Variants in POLD1 observed in about 807,000 individuals in gnomAD.
POLD1 encodes DNA polymerase delta catalytic subunit.
A neutral mutation model predicts 129.7 loss-of-function variants in POLD1; 79 were observed. The observed-to-expected ratio is 0.61, with a 90% CI of 0.51 to 0.73. The LOEUF is 0.73. POLD1 is among the 30% of genes least tolerant of loss of function. The pLI is 0.00. For missense variants in POLD1, 1,338 were observed against 1,595.8 expected, an observed-to-expected ratio of 0.84 and a Z score of 2.75; for synonymous variants, 714 against 683.3, an observed-to-expected ratio of 1.04 and a Z score of -0.70.
rs2038478231 is a variant in POLD1, at chr19:50,398,970, TGATGGAGGA to T, written c.128_136del (p.Glu43_Glu45del). 1 of 1,578,102 alleles carries T rather than the reference TGATGGAGGA, an allele frequency of 6.3e-7. No homozygotes were observed. Among genetic ancestry groups the T allele is most frequent in the Non-Finnish European group, 8.6e-7 (1 of 1,162,156 alleles). On this transcript the variant is annotated inframe_deletion, in exon 2 of 27. Transcript: ENST00000440232. ...TCCCAATTCGAGGAGGACCTGGCAC[TGATGGAGGA>T]GATGGAGGCAGAACACAGGCTGCAG...
chr19:50,407,264 C>T, intron 13 of POLD1, 63 bp from the exon 14 acceptor site: 1 of 1,550,708 alleles, frequency 6.4e-7, no homozygotes, highest in African/African-American at 1.4e-5. Context: ...ACTTTTTCTC[C>T]CCACTCCCAA....
chr19:50,397,083 T>C (rs1601184197), intron 1 of POLD1, among the ~76,000 whole-genome samples: 2 of 91,950 alleles, frequency 2.2e-5, no homozygotes, highest in African/African-American at 4.6e-5. Flanking sequence ...AGAGCGAGAC[T>C]CCATCTCAAA....
chr19:50,403,244 C>A, intron 9 of POLD1, 25 bp downstream of exon 9: 1 of 1,524,444 alleles, frequency 6.6e-7, no homozygotes, highest in Non-Finnish European at 8.8e-7. Flanking sequence ...ACGCCCCACA[C>A]CATTTCCCGG....
Position 50,413,524 on chromosome 19 carries a change from CG to C in POLD1, c.2250+8del. On this transcript the variant is annotated splice_donor_region_variant and intron_variant, in intron 18 of 26. Transcript: ENST00000440232. ...ATGGCTACAGCACCAGTGCCAAGGT[CG>C]GGGGCTGCCCACCGCTGCCCTGAGA... is the stretch of plus-strand genomic sequence containing the variant. 3 of 1,603,032 alleles carry C rather than the reference CG, an allele frequency of 1.9e-6. No individual in the cohort carries two copies. The highest frequency in any genetic ancestry group is 1.7e-6 in the Non-Finnish European group (2 of 1,174,180).
chr19:50,415,974 C>T (rs1216462914), intron 22 of POLD1, 148 bp downstream of exon 22: 5 of 629,056 alleles, frequency 7.9e-6, no homozygotes, highest in East Asian at 2.8e-5. Flanking sequence ...GGTGTGGCCT[C>T]GGCCCCCTCT....
intron 1 of POLD1, among the ~76,000 whole-genome samples, chr19:50,394,638 A>G (rs2038281585): frequency 6.6e-6 from 1 of 151,994 alleles, no homozygotes; most frequent in South Asian, 2.1e-4. Flanking sequence ...TGTGTGACCG[A>G]GTGAGACTCC....
Position 50,416,734 on chromosome 19 carries a change from C to G in POLD1, c.3067+11C>G, listed in dbSNP as rs2122498943. 2 of 1,514,294 alleles carry G rather than the reference C, an allele frequency of 1.3e-6. No individual in the cohort carries two copies. Among genetic ancestry groups the G allele is most frequent in the Non-Finnish European group, 1.8e-6 (2 of 1,128,152 alleles). The allele number at this position is 1,514,294 out of a possible 1,614,324, so 93.8% of individuals were successfully genotyped here. ...TGCTCAGCCACCAGGGTGAGCGGCC[C>G]TGGCCACTGGGCCCCCACTGGCCCT... On this transcript the variant is annotated intron_variant, in intron 24 of 26. Coordinates refer to ENST00000440232, the MANE Select transcript of POLD1 (RefSeq NM_002691.4).
At chr19:50,391,815 C>T (rs559649000) in intron 1 of POLD1, among the ~76,000 whole-genome samples, 12 of 152,026 alleles carry the variant, frequency 7.9e-5, no homozygotes, top group African/African-American at 1.2e-4. Flanking sequence ...CAGGTTCAAG[C>T]GATTCTCCTG....
chr19:50,391,313 T>A (rs1337857804), intron 1 of POLD1, among the ~76,000 whole-genome samples: 1 of 152,074 alleles, frequency 6.6e-6, no homozygotes, highest in Non-Finnish European at 1.5e-5. Flanking sequence ...GGGCAGAGGC[T>A]GCAATCTCGG....
chr19:50,413,614 T>G, intron 18 of POLD1, 93 bp downstream of exon 18: 1 of 1,531,340 alleles, frequency 6.5e-7, no homozygotes, highest in East Asian at 2.3e-5. Flanking sequence ...TGCCTCCTGG[T>G]CACACCCTGC....
Position 50,407,401 on chromosome 19 carries a change from C to T in POLD1, c.1761C>T (p.Ile587=), listed in dbSNP as rs3218755. Residue 587 remains isoleucine, a synonymous_variant, in exon 14 of 27, where the codon ATC becomes ATT. Transcript: ENST00000440232. ...GGEDYTGATV[I]EPLKGYYDVP... The stretch of plus-strand genomic sequence containing the variant: ...AGGACTACACGGGAGCCACTGTCAT[C>T]GAGCCCCTCAAAGGGTGAGGCCCCA... 2,713 of 1,607,448 alleles carry T rather than the reference C, an allele frequency of 1.7e-3. 37 individuals are homozygous for T. In the African/African-American group the frequency reaches 0.031, roughly 18 times the overall value.
chr19:50,402,960 G>C (rs3218759), intron 8 of POLD1, 93 bp from the exon 9 acceptor site: 40 of 1,475,890 alleles, frequency 2.7e-5, no homozygotes, highest in Non-Finnish European at 3.6e-5. Context: ...GGCAGGCAGC[G>C]GGGACAGCCC....
intron 24 of POLD1, 147 bp from the exon 25 acceptor site, chr19:50,416,898 T>A (rs1052788652): frequency 8.3e-5 from 86 of 1,036,522 alleles, no homozygotes; most frequent in Middle Eastern, 6.3e-4. Flanking sequence ...ACCCCGGGAG[T>A]TCCCCAGGGG....
intron 1 of POLD1, chr19:50,394,045 A>G (rs994355534): frequency 2.0e-5 from 3 of 152,300 alleles, no homozygotes; most frequent in African/African-American, 7.2e-5. Context: ...ATTTCTCCAC[A>G]TAACGCTTTG....
intron 19 of POLD1, among the ~76,000 whole-genome samples, chr19:50,414,437 G>A (rs1000425242): frequency 6.6e-6 from 1 of 152,258 alleles, no homozygotes; most frequent in African/African-American, 2.4e-5. Context: ...GCTCTCTCGT[G>A]CCAGGCCTTG....
chr19:50,417,290 C>G (rs768651527), intron 26 of POLD1, 21 bp downstream of exon 26: 2 of 1,525,046 alleles, frequency 1.3e-6, no homozygotes, highest in Admixed American at 1.8e-5. Context: ...TGTCCCGACC[C>G]TGGGCTGCCC....
At chr19:50,395,803 T>C (rs930677788) in intron 1 of POLD1, among the ~76,000 whole-genome samples, 15 of 151,916 alleles carry the variant, frequency 9.9e-5, no homozygotes, top group African/African-American at 2.7e-4. Context: ...AATATTCTTA[T>C]TGAACCACAA....
Position 50,402,066 on chromosome 19 carries a change from C to CG in POLD1, c.537dup (p.Arg180GlufsTer72), listed in dbSNP as rs1568619502. The CG allele has an allele frequency of 6.2e-7, 1 of 1,613,950 alleles. No individual in the cohort carries two copies. Among genetic ancestry groups the CG allele is most frequent in the Non-Finnish European group, 8.5e-7 (1 of 1,179,956 alleles). On this transcript the variant is annotated frameshift_variant, in exon 5 of 27. Coordinates refer to ENST00000440232, the MANE Select transcript of POLD1 (RefSeq NM_002691.4). LOFTEE classifies it high-confidence loss of function. ...ACTTGGCCATCAGCCGGGACAGTCG[C>CG]GGGGGGAGGGAGCTGACTGGGCCGG...
intron 10 of POLD1, among the ~76,000 whole-genome samples, chr19:50,404,939 G>A (rs1298719649): frequency 6.6e-6 from 1 of 152,072 alleles, no homozygotes; most frequent in Non-Finnish European, 1.5e-5. Flanking sequence ...GACTAATTTT[G>A]TATTTTTAGT....
Sources: gnomAD v4.1 joint callset for allele counts (sites outside exome capture counted in the v4.1 genomes callset) on GRCh38, gnomAD v4.1.1 for gene constraint, MANE v1.5 for transcripts, NCBI Gene and HGNC (gene_info 2026-07-23, HGNC 2026-07-21) for gene names.